The following PLPP1 variants were observed in gnomAD, a reference collection of about 807,000 sequenced individuals.
PLPP1 encodes phospholipid phosphatase 1.
PLPP1 carries 24 observed loss-of-function variants against 31.2 expected under a neutral mutation model. The ratio of observed to expected loss-of-function variants is 0.77; its 90% CI spans 0.56 to 1.08. PLPP1 has a LOEUF of 1.08. Among genes scored for constraint, PLPP1 ranks in the 50% least tolerant of loss-of-function variants. PLPP1 has a pLI of 0.00. For missense variants in PLPP1, 319 were observed against 342.7 expected (o/e 0.93, Z 0.55); for synonymous variants, 146 against 126.3 (o/e 1.16, Z -1.05).
At chr5:55,513,842 C>T (rs1753496702) in intron 1 of PLPP1, among the ~76,000 whole-genome samples, 1 of 151,830 alleles carries the variant, frequency 6.6e-6, no homozygotes, top group Non-Finnish European at 1.5e-5. Flanking sequence ...GTGAGGAATG[C>T]TTAAACATAG....
In PLPP1 at chr5:55,425,171, A is replaced by G. The variant is rs1482978148; in HGVS notation, c.*35T>C. 1 of 1,592,790 alleles carries G rather than the reference A, an allele frequency of 6.3e-7. No homozygotes were observed. The highest frequency in any genetic ancestry group is 2.2e-5 in the East Asian group (1 of 44,738). ...TTGTGGCAATCATTTTCCTTTAGAAAACAGGCCAGCTTCACCTGGGCACCC... is the reference window on the plus strand; with the variant it reads ...TTGTGGCAATCATTTTCCTTTAGAAGACAGGCCAGCTTCACCTGGGCACCC... On this transcript the variant is annotated 3_prime_UTR_variant, in exon 6 of 6. Coordinates refer to ENST00000307259, the MANE Select transcript of PLPP1 (RefSeq NM_003711.4).
intron 4 of PLPP1, among the ~76,000 whole-genome samples, chr5:55,439,568 A>G (rs780834808): frequency 5.5e-4 from 83 of 152,150 alleles, no homozygotes; most frequent in Non-Finnish European, 9.1e-4. Context: ...AACTGACCCA[A>G]TTACCACACT....
At chr5:55,506,236 AAAG>A (rs1217658447) in intron 1 of PLPP1, among the ~76,000 whole-genome samples, 7 of 151,178 alleles carry the variant, frequency 4.6e-5, no homozygotes, top group African/African-American at 9.7e-5. Context: ...TAAGAATATA[AAAG>A]AAGACACAAA....
At position 55,490,144 on chromosome 5, in the gene PLPP1, C is replaced by CTTT. The variant is rs896241457; in HGVS notation, c.59-14697_59-14695dup. ...AGTAAGAAATAGTGACTTTTCTTTT[C>CTTT]TTTTTTTTTTTTTTTTTTTTTTTGA... is the stretch of plus-strand genomic sequence containing the variant. On this transcript the variant is annotated intron_variant, in intron 1 of 5. Transcript: ENST00000307259. Among the ~76,000 whole-genome samples the CTTT allele has an allele frequency of 4.8e-3, 403 of 83,374 alleles. 8 individuals are homozygous for CTTT. Among genetic ancestry groups the CTTT allele is most frequent in the African/African-American group, 0.014 (291 of 21,202 alleles). 54.7% of individuals were successfully genotyped at this position (83,374 alleles called of 152,430 possible). A position where few individuals can be genotyped will look rare whatever the true frequency, so the allele number is the denominator to read the frequency against.
Position 55,425,149 on chromosome 5 carries a change from T to TCTAAA in PLPP1, c.*56_*57insTTTAG. Reference sequence around the variant, plus strand: ...AAGAAAGATGCATCCTCTTGCCTTGTGGCAATCATTTTCCTTTAGAAAACA... The same window carrying TCTAAA: ...AAGAAAGATGCATCCTCTTGCCTTGTCTAAAGGCAATCATTTTCCTTTAGAAAACA... On this transcript the variant is annotated 3_prime_UTR_variant, in exon 6 of 6. Coordinates refer to ENST00000307259, the MANE Select transcript of PLPP1 (RefSeq NM_003711.4). 1 of 1,570,410 alleles carries TCTAAA rather than the reference T, an allele frequency of 6.4e-7. No individual in the cohort carries two copies. The highest frequency in any genetic ancestry group is 8.6e-7 in the Non-Finnish European group (1 of 1,158,982).
At position 55,504,834 on chromosome 5, in the gene PLPP1, A is replaced by G. The variant is rs1196547410; in HGVS notation, c.59-29384T>C. Among the ~76,000 whole-genome samples the G allele has an allele frequency of 3.0e-5, 4 of 134,588 alleles. No homozygotes were observed. The East Asian group carries it at 6.4e-4, about 22-fold the overall frequency. The allele number at this position is 134,588 out of a possible 152,430, so 88.3% of individuals were successfully genotyped here. On this transcript the variant is annotated intron_variant, in intron 1 of 5. Coordinates refer to ENST00000307259, the MANE Select transcript of PLPP1 (RefSeq NM_003711.4). ...CTTTCCTTTTTTTTTTTTTTTTGAG[A>G]GTGTTTCACTCTGTCACCCAGGCTT...
At chr5:55,478,164 C>G (rs1425924428) in intron 1 of PLPP1, among the ~76,000 whole-genome samples, 3 of 151,966 alleles carry the variant, frequency 2.0e-5, no homozygotes, top group African/African-American at 4.8e-5. Context: ...TTTGTTCCCC[C>G]CTGACCACAA....
intron 1 of PLPP1, among the ~76,000 whole-genome samples, chr5:55,526,333 T>C (rs1163190272): frequency 1.3e-5 from 2 of 152,214 alleles, no homozygotes; most frequent in Non-Finnish European, 2.9e-5. Context: ...TGAACATTTC[T>C]ATATTTTATT....
At chr5:55,445,025 CA>C (rs1336005126) in intron 3 of PLPP1, among the ~76,000 whole-genome samples, 1 of 152,190 alleles carries the variant, frequency 6.6e-6, no homozygotes, top group African/African-American at 2.4e-5. Context: ...ACTGGGATTA[CA>C]GGCGTGAGCC....
chr5:55,485,012 C>T (rs1374820006), intron 1 of PLPP1: 3 of 152,164 alleles, frequency 2.0e-5, no homozygotes, highest in Non-Finnish European at 4.4e-5. Flanking sequence ...CTGCCCCCCA[C>T]CCTGAGACTT....
intron 4 of PLPP1, among the ~76,000 whole-genome samples, chr5:55,441,101 T>C (rs191548481): frequency 7.9e-5 from 12 of 152,254 alleles, no homozygotes; most frequent in African/African-American, 2.4e-4. Flanking sequence ...AAAATAAAAA[T>C]CAAGTAAAAT....
At chr5:55,475,942 T>C (rs537807467) in intron 1 of PLPP1, among the ~76,000 whole-genome samples, 1 of 151,854 alleles carries the variant, frequency 6.6e-6, no homozygotes, top group African/African-American at 2.4e-5. Context: ...TATAGCAGGC[T>C]GAAAGCTGCT....
At chr5:55,459,146 T>A (rs551694729) in intron 3 of PLPP1, among the ~76,000 whole-genome samples, 1 of 151,614 alleles carries the variant, frequency 6.6e-6, no homozygotes, top group African/African-American at 2.4e-5. Flanking sequence ...TGACTATATA[T>A]TAATATCAGG....
At chr5:55,480,003 G>C (rs1752637793) in intron 1 of PLPP1, among the ~76,000 whole-genome samples, 1 of 152,122 alleles carries the variant, frequency 6.6e-6, no homozygotes, top group Non-Finnish European at 1.5e-5. Flanking sequence ...AAAAGGGTTA[G>C]TGCACACCAT....
At chr5:55,465,142 C>G (rs2111779834) in intron 3 of PLPP1, among the ~76,000 whole-genome samples, 1 of 151,472 alleles carries the variant, frequency 6.6e-6, no homozygotes, top group African/African-American at 2.4e-5. Context: ...CTCCGGGGTT[C>G]AAGCGATTCT....
chr5:55,511,868 AC>A (rs1335971273), intron 1 of PLPP1, among the ~76,000 whole-genome samples: 2 of 149,710 alleles, frequency 1.3e-5, no homozygotes, highest in African/African-American at 4.9e-5. Context: ...ACGGGGTTTC[AC>A]CGTGTTAGCC....
chr5:55,521,944 C>G (rs1312475742), intron 1 of PLPP1, among the ~76,000 whole-genome samples: 1 of 152,182 alleles, frequency 6.6e-6, no homozygotes, highest in African/African-American at 2.4e-5. Context: ...AAGCAGCAAA[C>G]CCATCTCTCC....
chr5:55,501,360 A>T (rs1161865375), intron 1 of PLPP1, among the ~76,000 whole-genome samples: 1 of 152,100 alleles, frequency 6.6e-6, no homozygotes, highest in African/African-American at 2.4e-5. Flanking sequence ...AAGCAGTAAA[A>T]ACTAACGTAT....
intron 1 of PLPP1, among the ~76,000 whole-genome samples, chr5:55,510,800 T>C (rs1468200580): frequency 2.0e-5 from 3 of 152,162 alleles, no homozygotes; most frequent in Admixed American, 1.3e-4. Flanking sequence ...TTGTGGGAGC[T>C]TGGGCAAATT....
Sources: gnomAD v4.1 joint callset for allele counts (sites outside exome capture counted in the v4.1 genomes callset) on GRCh38, gnomAD v4.1.1 for gene constraint, MANE v1.5 for transcripts, NCBI Gene and HGNC (gene_info 2026-07-23, HGNC 2026-07-21) for gene names.